ERP44: variants seen among roughly 807,000 people sequenced by gnomAD.
The protein encoded by ERP44 is endoplasmic reticulum resident protein 44.
Under a neutral mutation model 53.4 loss-of-function variants are expected in ERP44, and 25 were observed. The observed-to-expected ratio is 0.47, with a 90% CI of 0.34 to 0.65. The LOEUF (loss-of-function observed/expected upper bound fraction) is 0.65. Ranked by LOEUF, ERP44 falls within the 30% of genes least tolerant of loss-of-function variation. The probability of loss-of-function intolerance (pLI) is 0.01; values close to 1 mark genes in which losing one functional copy is unlikely to be tolerated. For missense variants in ERP44, 338 were observed against 493.2 expected, an observed-to-expected ratio of 0.69 and a Z score of 2.98; for synonymous variants, 145 against 161.2, an observed-to-expected ratio of 0.90 and a Z score of 0.76.
rs56066117 is a variant in ERP44 at position 100,043,258 on chromosome 9, CAAAA to C, written c.286+9155_286+9158del. On this transcript the variant is annotated intron_variant, in intron 4 of 11. Coordinates refer to ENST00000262455, the MANE Select transcript of ERP44 (RefSeq NM_015051.3). The stretch of plus-strand genomic sequence containing the variant: ...TGGGCAACAGAGCGAGACTCTGTCT[CAAAA>C]AAAAAAAAAAAAAAAAAAAAAAAAA... 3.7e-3 allele frequency among the ~76,000 whole-genome samples: 75 copies of C among 20,244 alleles called. 1 individual carries two copies. The highest frequency in any genetic ancestry group is 6.0e-3 in the African/African-American group (24 of 3,978). 13.3% of individuals were successfully genotyped at this position (20,244 alleles called of 152,430 possible). A position where few individuals can be genotyped will look rare whatever the true frequency, so the allele number is the denominator to read the frequency against.
chr9:100,006,067 A>G (rs1830422311), intron 10 of ERP44, among the ~76,000 whole-genome samples: 1 of 152,224 alleles, frequency 6.6e-6, no homozygotes. Context: ...AGCAAGATTC[A>G]TAAATACTAC....
At chr9:100,040,619 C>G (rs895043467) in intron 4 of ERP44, among the ~76,000 whole-genome samples, 1 of 152,080 alleles carries the variant, frequency 6.6e-6, no homozygotes, top group African/African-American at 2.4e-5. Context: ...AGGATGCCCA[C>G]TGTCACTATT....
intron 1 of ERP44, among the ~76,000 whole-genome samples, chr9:100,079,668 A>C (rs28448789): frequency 0.67 from 102,269 of 151,950 alleles, 35,573 homozygotes; most frequent in East Asian, 0.91. Context: ...TCAGGCCAGG[A>C]GCAGTGGCTC....
intron 10 of ERP44, among the ~76,000 whole-genome samples, chr9:99,996,539 T>C (rs913093943): frequency 3.3e-5 from 5 of 151,586 alleles, no homozygotes; most frequent in African/African-American, 1.2e-4. Context: ...TATTCTTTTT[T>C]TTCCCCCATT....
At chr9:100,057,167 G>A (rs961044012) in intron 3 of ERP44, among the ~76,000 whole-genome samples, 2 of 152,186 alleles carry the variant, frequency 1.3e-5, no homozygotes, top group Non-Finnish European at 2.9e-5. Context: ...TAGGGATAAA[G>A]ACTATGCTGA....
intron 10 of ERP44, among the ~76,000 whole-genome samples, chr9:99,999,562 T>C (rs1192657063): frequency 6.6e-6 from 1 of 152,226 alleles, no homozygotes; most frequent in African/African-American, 2.4e-5. Context: ...GTTTGGATTC[T>C]TTATATATTT....
At chr9:99,988,819 T>C (rs933918448) in intron 10 of ERP44, among the ~76,000 whole-genome samples, 1 of 152,130 alleles carries the variant, frequency 6.6e-6, no homozygotes, top group Non-Finnish European at 1.5e-5. Flanking sequence ...AAACAGGACA[T>C]TCCCACCCAA....
intron 1 of ERP44, among the ~76,000 whole-genome samples, chr9:100,067,150 G>C (rs139796873): frequency 6.7e-6 from 1 of 149,136 alleles, no homozygotes; most frequent in Non-Finnish European, 1.5e-5. Context: ...AACCGCTCTC[G>C]CTCTCGCTCT....
chr9:100,029,664 CTGTG>C (rs1257885980), intron 4 of ERP44, among the ~76,000 whole-genome samples: 1 of 152,170 alleles, frequency 6.6e-6, no homozygotes, highest in Non-Finnish European at 1.5e-5. Context: ...AATTCCATTA[CTGTG>C]TATTTATCCA....
chr9:100,013,919 T>C (rs998129960), intron 8 of ERP44, among the ~76,000 whole-genome samples: 2 of 152,280 alleles, frequency 1.3e-5, no homozygotes, highest in Admixed American at 1.3e-4. Context: ...GTAGAATGGA[T>C]ATATTGTGTT....
intron 1 of ERP44, among the ~76,000 whole-genome samples, chr9:100,067,351 T>C (rs1166609793): frequency 1.3e-5 from 2 of 148,354 alleles, no homozygotes; most frequent in African/African-American, 2.6e-5. Flanking sequence ...CCGCCGCGCC[T>C]GACTGGTTTT....
At chr9:99,998,404 G>C in intron 10 of ERP44, 2 of 635,278 alleles carry the variant, frequency 3.1e-6, no homozygotes, top group Non-Finnish European at 5.7e-6. Context: ...ACAGCTGCAA[G>C]GCCGGCCGGT....
intron 1 of ERP44, among the ~76,000 whole-genome samples, chr9:100,067,408 G>C (rs1188850355): frequency 1.3e-5 from 2 of 152,226 alleles, no homozygotes; most frequent in Admixed American, 6.5e-5. Flanking sequence ...GGCCGGGCTG[G>C]TCTCCAGCTC....
chr9:100,067,346 G>A (rs906881975), intron 1 of ERP44, among the ~76,000 whole-genome samples: 24 of 150,470 alleles, frequency 1.6e-4, no homozygotes, highest in African/African-American at 6.0e-4. Flanking sequence ...GCGCGCCGCC[G>A]CGCCTGACTG....
Position 100,098,975 on chromosome 9 carries a change from T to C in ERP44, c.-135A>G. ...CTCCAGGCAGCGGCACCTCGTCCTC[T>C]CGACCCGGGCTCCAGCGGCGAACAC... On this transcript the variant is annotated 5_prime_UTR_variant, in exon 1 of 12. Coordinates refer to ENST00000262455, the MANE Select transcript of ERP44 (RefSeq NM_015051.3). 1.5e-6 allele frequency: 1 copy of C among 677,278 alleles called. No homozygotes were observed. The highest frequency in any genetic ancestry group is 2.6e-6 in the Non-Finnish European group (1 of 387,846). The allele number at this position is 677,278 out of a possible 1,614,324, so 42.0% of individuals were successfully genotyped here. A position where few individuals can be genotyped will look rare whatever the true frequency, so the allele number is the denominator to read the frequency against.
chr9:100,091,261 G>A (rs1031043148), intron 1 of ERP44, among the ~76,000 whole-genome samples: 2 of 152,158 alleles, frequency 1.3e-5, no homozygotes, highest in African/African-American at 4.8e-5. Flanking sequence ...ATATCACCAA[G>A]GATTCCCAAA....
intron 10 of ERP44, among the ~76,000 whole-genome samples, chr9:99,999,684 A>C (rs1214640465): frequency 6.6e-6 from 1 of 152,028 alleles, no homozygotes; most frequent in African/African-American, 2.4e-5. Flanking sequence ...TTTTAGTTTG[A>C]CGTAATCCAA....
chr9:100,013,198 A>G (rs1012920200), intron 8 of ERP44, among the ~76,000 whole-genome samples: 1 of 152,208 alleles, frequency 6.6e-6, no homozygotes, highest in African/African-American at 2.4e-5. Flanking sequence ...GCACTTAACA[A>G]TATACATACA....
At chr9:100,007,899 G>A (rs1390711099) in intron 8 of ERP44, among the ~76,000 whole-genome samples, 2 of 152,218 alleles carry the variant, frequency 1.3e-5, no homozygotes, top group African/African-American at 4.8e-5. Context: ...CAGACAGTCA[G>A]AGGACCCACA....
Sources: allele counts gnomAD v4.1 joint callset (sites outside exome capture counted in the v4.1 genomes callset), GRCh38; gene constraint gnomAD v4.1.1; transcripts MANE v1.5; gene names NCBI Gene and HGNC (gene_info 2026-07-23, HGNC 2026-07-21).